The following RPTOR variants were observed in gnomAD, a reference collection of about 807,000 sequenced individuals.
The protein encoded by RPTOR is regulatory associated protein of MTOR complex 1.
A neutral mutation model predicts 169.9 loss-of-function variants in RPTOR; 21 were observed. That is an observed-to-expected ratio of 0.12 (90% CI 0.09 to 0.18). The LOEUF (loss-of-function observed/expected upper bound fraction) is 0.18, where lower values mean the gene tolerates loss of function less well. Among genes scored for constraint, RPTOR ranks in the 10% least tolerant of loss-of-function variants. The pLI is 1.00. For missense variants in RPTOR, 1,133 were observed against 1,855.9 expected, an observed-to-expected ratio of 0.61 and a Z score of 7.16; for synonymous variants, 732 against 753.2, an observed-to-expected ratio of 0.97 and a Z score of 0.46.
chr17:80,943,367 T>A (rs2069057383), intron 25 of RPTOR, among the ~76,000 whole-genome samples: 2 of 152,176 alleles, frequency 1.3e-5, no homozygotes, highest in Admixed American at 6.5e-5. Context: ...CACATGACCA[T>A]GAAAAATTAG....
intron 10 of RPTOR, among the ~76,000 whole-genome samples, chr17:80,840,104 C>T (rs1382791910): frequency 6.6e-6 from 1 of 152,182 alleles, no homozygotes; most frequent in Non-Finnish European, 1.5e-5. Flanking sequence ...TGCACATACT[C>T]GTGTAATCAC....
At chr17:80,656,461 C>T (rs1412032588) in intron 3 of RPTOR, among the ~76,000 whole-genome samples, 1 of 152,136 alleles carries the variant, frequency 6.6e-6, no homozygotes, top group Non-Finnish European at 1.5e-5. Context: ...ACAAATGAGG[C>T]GAAGCACAGA....
rs555302572 is a variant in RPTOR at position 80,964,202 on chromosome 17, C to T, written c.3940-60C>T. On this transcript the variant is annotated intron_variant, in intron 33 of 33. Coordinates refer to ENST00000306801, the MANE Select transcript of RPTOR (RefSeq NM_020761.3). ...GGATGCGGGTTGGCCTGCGCCCCCC[C>T]GCCCCCCGCAGTGTCTGCCCGCACC... The T allele has an allele frequency of 1.5e-4, 180 of 1,224,836 alleles. 1 individual carries two copies. Among genetic ancestry groups the T allele is most frequent in the Admixed American group, 1.6e-4 (9 of 56,470 alleles). 75.9% of individuals were successfully genotyped at this position (1,224,836 alleles called of 1,614,324 possible).
At chr17:80,893,395 G>GGT (rs3042650) in intron 19 of RPTOR, among the ~76,000 whole-genome samples, 31,523 of 138,704 alleles carry the variant, frequency 0.23, 3,514 homozygotes, top group South Asian at 0.32. Context: ...TGCATGCCAG[G>GGT]GTGTGTGTGT....
At chr17:80,676,482 T>C (rs539327417) in intron 3 of RPTOR, among the ~76,000 whole-genome samples, 17 of 152,202 alleles carry the variant, frequency 1.1e-4, no homozygotes, top group African/African-American at 4.1e-4. Flanking sequence ...ATCAGCGCTG[T>C]GGGTCGTCTT....
rs367916656 is a variant in RPTOR, at chr17:80,861,698, G to A, written c.1509+3798G>A. Among the ~76,000 whole-genome samples, 3 of 152,220 alleles carry A rather than the reference G, an allele frequency of 2.0e-5. No individual in the cohort carries two copies. The highest frequency in any genetic ancestry group is 3.8e-4 in the East Asian group (2 of 5,202). ...GGAAGAGATGCCATCTGCATGCAGA[G>A]GTCTGGGATTACGGCCGCCTGAGCC... On this transcript the variant is annotated intron_variant, in intron 13 of 33. Coordinates refer to ENST00000306801, the MANE Select transcript of RPTOR (RefSeq NM_020761.3). This position sits in a 1 kb window ranked among gnomAD's most constrained non-coding sequence, Gnocchi z 4.5.
chr17:80,587,985 G>A (rs895392216), intron 1 of RPTOR, among the ~76,000 whole-genome samples: 2 of 151,822 alleles, frequency 1.3e-5, no homozygotes, highest in African/African-American at 4.8e-5. Context: ...TGTGAGTTTC[G>A]TTTTTTTAGA....
At chr17:80,841,960 GGCAGCTCACTCTCACCGCACC>G (rs1567943849) in intron 10 of RPTOR, among the ~76,000 whole-genome samples, 35 of 119,598 alleles carry the variant, frequency 2.9e-4, no homozygotes, top group Non-Finnish European at 4.4e-4. Context: ...CTCACCGCAC[GGCAGCTCACTCTCACCGCACC>G]GCAGCTCACT....
At chr17:80,930,355 C>CCTGCTCATCCT (rs2068872640) in intron 24 of RPTOR, among the ~76,000 whole-genome samples, 2 of 48,894 alleles carry the variant, frequency 4.1e-5, no homozygotes, top group Non-Finnish European at 3.9e-5. Flanking sequence ...CAGCTCATCC[C>CCTGCTCATCCT]CAGCTCATCC....
chr17:80,650,361 G>T (rs912048317), intron 3 of RPTOR, among the ~76,000 whole-genome samples: 1 of 152,224 alleles, frequency 6.6e-6, no homozygotes. Context: ...GGGAAGATTG[G>T]TGGAGTCCGC....
Position 80,743,896 on chromosome 17 carries a change from TGGTTACGAGCACAGC to T in RPTOR, c.655-10113_655-10099del, listed in dbSNP as rs1290705582. Among the ~76,000 whole-genome samples the T allele has an allele frequency of 2.3e-4, 22 of 95,530 alleles. 2 individuals are homozygous for T. The highest frequency in any genetic ancestry group is 9.7e-4 in the African/African-American group (21 of 21,626). 62.7% of individuals were successfully genotyped at this position (95,530 alleles called of 152,430 possible). On this transcript the variant is annotated intron_variant, in intron 5 of 33. Transcript: ENST00000306801. Reference sequence around the variant, plus strand: ...ACAGCCCTGGCTACTAGCACTGTCCTGGTTACGAGCACAGCCCTGGTTACTAGCAGAGCCCTGGTT... The same window carrying T: ...ACAGCCCTGGCTACTAGCACTGTCCTCCTGGTTACTAGCAGAGCCCTGGTT...
At position 80,860,886 on chromosome 17, in the gene RPTOR, GC is replaced by G. The variant is rs2067910861; in HGVS notation, c.1509+2987del. Among the ~76,000 whole-genome samples, 2 of 147,008 alleles carry G rather than the reference GC, an allele frequency of 1.4e-5. No homozygotes were observed. The highest frequency in any genetic ancestry group is 2.0e-4 in the East Asian group (1 of 5,036). ...ACCGTGCTTGCCATCTCTCCCAGCT[GC>G]TCCTGATTTCCTGAGCTGGATGCGG... is the stretch of plus-strand genomic sequence containing the variant. On this transcript the variant is annotated intron_variant, in intron 13 of 33. Transcript: ENST00000306801. This position sits in a 1 kb window ranked among gnomAD's most constrained non-coding sequence, Gnocchi z 5.8.
At chr17:80,589,571 C>T (rs2065088731) in intron 1 of RPTOR, among the ~76,000 whole-genome samples, 1 of 152,108 alleles carries the variant, frequency 6.6e-6, no homozygotes, top group Non-Finnish European at 1.5e-5. Flanking sequence ...GACATCTTTT[C>T]AATATTAATT....
At chr17:80,788,979 A>G (rs2067020658) in intron 6 of RPTOR, among the ~76,000 whole-genome samples, 1 of 152,270 alleles carries the variant, frequency 6.6e-6, no homozygotes, top group Non-Finnish European at 1.5e-5. Context: ...TTTGGCTAAA[A>G]TGAAGTTTGC....
chr17:80,699,630 A>G (rs1598234482), intron 3 of RPTOR, among the ~76,000 whole-genome samples: 1 of 129,426 alleles, frequency 7.7e-6, no homozygotes, highest in African/African-American at 3.5e-5. Context: ...GGTGCTGTGC[A>G]CGGTACCCTG....
In RPTOR at chr17:80,820,167, G is replaced by A. The variant is rs931357230; in HGVS notation, c.891-2034G>A. On this transcript the variant is annotated intron_variant, in intron 7 of 33. Coordinates refer to ENST00000306801, the MANE Select transcript of RPTOR (RefSeq NM_020761.3). The surrounding 1 kb of genome is among the most constrained non-coding windows in gnomAD (Gnocchi z 4.1). ...CTAGGCCACAGAGCTTCGGCGTGTG[G>A]TCTGGGCGCTGTCTGTCCTCTGCAT... Among the ~76,000 whole-genome samples the A allele has an allele frequency of 1.3e-5, 2 of 152,228 alleles. No homozygotes were observed. Among genetic ancestry groups the A allele is most frequent in the African/African-American group, 4.8e-5 (2 of 41,458 alleles).
intron 6 of RPTOR, among the ~76,000 whole-genome samples, chr17:80,786,766 C>G (rs2066996517): frequency 6.6e-6 from 1 of 152,186 alleles, no homozygotes; most frequent in Non-Finnish European, 1.5e-5. Context: ...TTACAGTTCA[C>G]CATGTATATG....
At chr17:80,759,068 C>T (rs1450627455) in intron 6 of RPTOR, among the ~76,000 whole-genome samples, 5 of 151,748 alleles carry the variant, frequency 3.3e-5, no homozygotes, top group South Asian at 2.1e-4. Context: ...CTCCCAAAGA[C>T]GCCTGGGCCA....
rs575143557 is a variant in RPTOR at position 80,606,200 on chromosome 17, C to T, written c.163-19491C>T. Among the ~76,000 whole-genome samples, 33 of 151,866 alleles carry T rather than the reference C, an allele frequency of 2.2e-4. No homozygotes were observed. The South Asian group carries it at 6.0e-3, about 28-fold the overall frequency. On this transcript the variant is annotated intron_variant, in intron 1 of 33. Transcript: ENST00000306801. ...CTAATTTTTGTATTTTCAGTAGAGA[C>T]GGGGTTTCACCATGTTAGCCAGGGT...
Sources: allele counts gnomAD v4.1 joint callset (sites outside exome capture counted in the v4.1 genomes callset), GRCh38; gene constraint gnomAD v4.1.1; non-coding constraint Gnocchi (gnomAD v3.1); transcripts MANE v1.5; gene names NCBI Gene and HGNC (gene_info 2026-07-23, HGNC 2026-07-21).